Variants in CREB3L1 observed in about 807,000 individuals in gnomAD.
CREB3L1 encodes cAMP responsive element binding protein 3 like 1, also known as cyclic AMP-responsive element-binding protein 3-like protein 1.
A neutral mutation model predicts 54.5 loss-of-function variants in CREB3L1; 33 were observed. That is an observed-to-expected ratio of 0.61 (90% CI 0.46 to 0.81). The LOEUF (loss-of-function observed/expected upper bound fraction) is 0.81, where lower values mean the gene tolerates loss of function less well. Among genes scored for constraint, CREB3L1 ranks in the 30% least tolerant of loss-of-function variants. The pLI is 0.00. For missense variants in CREB3L1, 656 were observed against 673.3 expected (o/e 0.97, Z 0.29); for synonymous variants, 284 against 286.4 (o/e 0.99, Z 0.08).
intron 9 of CREB3L1, 116 bp downstream of exon 9, chr11:46,316,501 G>A (rs73464021): frequency 1.5e-6 from 1 of 685,570 alleles, no homozygotes; most frequent in Non-Finnish European, 2.5e-6. Flanking sequence ...AGCGTCCCAG[G>A]GTACACCATC....
intron 1 of CREB3L1, among the ~76,000 whole-genome samples, chr11:46,290,098 G>T (rs1357550715): frequency 1.3e-5 from 2 of 152,158 alleles, no homozygotes; most frequent in East Asian, 1.9e-4. Flanking sequence ...ACTGGGCCAG[G>T]AGTACCAGTT....
intron 2 of CREB3L1, among the ~76,000 whole-genome samples, chr11:46,302,445 C>T (rs1001719952): frequency 3.3e-5 from 5 of 152,132 alleles, no homozygotes; most frequent in Admixed American, 3.3e-4. Context: ...GAAATGGTCC[C>T]TTCGGGCATT....
intron 2 of CREB3L1, 122 bp from the exon 3 acceptor site, chr11:46,307,694 C>T (rs1163515126): frequency 5.3e-6 from 4 of 759,484 alleles, no homozygotes; most frequent in Non-Finnish European, 7.9e-6. Context: ...ACCCTCTTTC[C>T]TGCCTGCCCC....
intron 2 of CREB3L1, among the ~76,000 whole-genome samples, chr11:46,304,926 C>A (rs1266151515): frequency 6.6e-6 from 1 of 152,158 alleles, no homozygotes; most frequent in Non-Finnish European, 1.5e-5. Flanking sequence ...AGGCCGGTGG[C>A]CAGGCCCTGT....
rs554076876 is a variant in CREB3L1, at chr11:46,320,167, A to G, written c.1259-97A>G. On this transcript the variant is annotated intron_variant, in intron 10 of 11. Coordinates refer to ENST00000621158, the MANE Select transcript of CREB3L1 (RefSeq NM_052854.4). The stretch of plus-strand genomic sequence containing the variant: ...CCGGGAAGTGTCAGAGCTGGGACTC[A>G]GATCCAGGGCCTGCGTCCTTAACCA... The G allele has an allele frequency of 4.1e-5, 56 of 1,357,788 alleles. No individual in the cohort carries two copies. In the African/African-American group the frequency reaches 7.8e-4, roughly 19 times the overall value. 84.1% of individuals were successfully genotyped at this position (1,357,788 alleles called of 1,614,324 possible).
Position 46,278,675 on chromosome 11 carries a change from G to A in CREB3L1, c.102+462G>A, listed in dbSNP as rs2136331405. ...GAGACCCGACCCCTCGGGGAAGCCA[G>A]GCCCAGAAATTTCAGGGTGCTACCC... On this transcript the variant is annotated intron_variant, in intron 1 of 11. Coordinates refer to ENST00000621158, the MANE Select transcript of CREB3L1 (RefSeq NM_052854.4). The surrounding 1 kb of genome is among the most constrained non-coding windows in gnomAD (Gnocchi z 4.2). Among the ~76,000 whole-genome samples the A allele has an allele frequency of 6.6e-6, 1 of 152,336 alleles. No individual in the cohort carries two copies. Among genetic ancestry groups the A allele is most frequent in the Non-Finnish European group, 1.5e-5 (1 of 68,026 alleles).
chr11:46,318,054 T>A (rs1939593264), intron 10 of CREB3L1, among the ~76,000 whole-genome samples: 1 of 152,108 alleles, frequency 6.6e-6, no homozygotes, highest in African/African-American at 2.4e-5. Flanking sequence ...TCGTCTCTAC[T>A]AAAAATACAA....
At chr11:46,286,771 C>G (rs1270942986) in intron 1 of CREB3L1, among the ~76,000 whole-genome samples, 1 of 151,652 alleles carries the variant, frequency 6.6e-6, no homozygotes, top group African/African-American at 2.4e-5. Flanking sequence ...GGCAACAGAA[C>G]AAGACTCTGT....
rs533211060 is a variant in CREB3L1, at chr11:46,320,907, T to C, written c.*161T>C. ...CCTTCCTTGCCCCTGACATTTGGAC[T>C]CTTCCCTTGGGCCGACCACTCTGTT... On this transcript the variant is annotated 3_prime_UTR_variant, in exon 12 of 12. Transcript: ENST00000621158. 1.5e-3 allele frequency: 1,183 copies of C among 791,786 alleles called. 3 individuals carry two copies. The highest frequency in any genetic ancestry group is 2.1e-3 in the Non-Finnish European group (983 of 459,994). The allele number at this position is 791,786 out of a possible 1,614,324, so 49.0% of individuals were successfully genotyped here.
intron 11 of CREB3L1, 35 bp downstream of exon 11, chr11:46,320,563 C>G (rs1471092187): frequency 6.4e-7 from 1 of 1,555,188 alleles, no homozygotes; most frequent in East Asian, 2.4e-5. Context: ...CCTGAGGTCT[C>G]AGGCTCCACC....
At chr11:46,304,599 C>T (rs771260243) in intron 2 of CREB3L1, among the ~76,000 whole-genome samples, 2 of 152,156 alleles carry the variant, frequency 1.3e-5, no homozygotes, top group Non-Finnish European at 2.9e-5. Context: ...GTACCTCCCC[C>T]CAAACCCCAT....
intron 1 of CREB3L1, among the ~76,000 whole-genome samples, chr11:46,298,108 G>T (rs184675546): frequency 1.2e-3 from 182 of 152,270 alleles, no homozygotes; most frequent in African/African-American, 4.3e-3. Context: ...TCAAAAGCAC[G>T]TCTATGTGAC....
At chr11:46,280,485 C>T (rs535083408) in intron 1 of CREB3L1, among the ~76,000 whole-genome samples, 30 of 152,232 alleles carry the variant, frequency 2.0e-4, no homozygotes, top group African/African-American at 5.5e-4. Context: ...CCACTGCGCC[C>T]GGCCAAAAGT....
At chr11:46,283,401 T>C (rs1361386404) in intron 1 of CREB3L1, among the ~76,000 whole-genome samples, 3 of 152,158 alleles carry the variant, frequency 2.0e-5, no homozygotes, top group Non-Finnish European at 2.9e-5. Context: ...TCACTTTTTT[T>C]TACCAGCCCC....
chr11:46,286,119 A>C (rs973943994), intron 1 of CREB3L1, among the ~76,000 whole-genome samples: 3 of 152,212 alleles, frequency 2.0e-5, no homozygotes, highest in Admixed American at 6.5e-5. Context: ...TGTGTCAGTC[A>C]ATTATTTGCG....
intron 1 of CREB3L1, among the ~76,000 whole-genome samples, chr11:46,282,148 A>G (rs1380423326): frequency 6.6e-6 from 1 of 152,144 alleles, no homozygotes; most frequent in Non-Finnish European, 1.5e-5. Flanking sequence ...TGGATGAATG[A>G]ATGGATGGAT....
intron 1 of CREB3L1, among the ~76,000 whole-genome samples, chr11:46,298,583 C>T (rs1025898935): frequency 3.3e-5 from 5 of 152,126 alleles, no homozygotes; most frequent in Admixed American, 6.6e-5. Flanking sequence ...CCTGTAGTCC[C>T]GGCTGCTTGG....
chr11:46,279,198 C>A (rs1326355552), intron 1 of CREB3L1, among the ~76,000 whole-genome samples: 1 of 152,134 alleles, frequency 6.6e-6, no homozygotes, highest in Non-Finnish European at 1.5e-5. Context: ...ACCCTGTGAT[C>A]AAGCACTTGA....
chr11:46,279,251 A>T (rs1448525093), intron 1 of CREB3L1, among the ~76,000 whole-genome samples: 2 of 151,948 alleles, frequency 1.3e-5, no homozygotes, highest in Non-Finnish European at 2.9e-5. Context: ...ACCAAGATAA[A>T]CTTGGCCAGG....
Sources: allele counts gnomAD v4.1 joint callset (sites outside exome capture counted in the v4.1 genomes callset), GRCh38; gene constraint gnomAD v4.1.1; non-coding constraint Gnocchi (gnomAD v3.1); transcripts MANE v1.5; gene names NCBI Gene and HGNC (gene_info 2026-07-23, HGNC 2026-07-21).